Variants in DGKB observed in about 807,000 individuals in gnomAD.
DGKB encodes diacylglycerol kinase beta.
A neutral mutation model predicts 114.3 loss-of-function variants in DGKB; 67 were observed. The observed-to-expected ratio is 0.59, with a 90% CI of 0.48 to 0.72. DGKB has a LOEUF of 0.72. DGKB is among the 30% of genes least tolerant of loss of function. The pLI is 0.00. For missense variants in DGKB, 907 were observed against 975.2 expected, an observed-to-expected ratio of 0.93 and a Z score of 0.93; for synonymous variants, 398 against 323.1, an observed-to-expected ratio of 1.23 and a Z score of -2.49.
chr7:14,548,974 G>A (rs1794716105), intron 20 of DGKB, among the ~76,000 whole-genome samples: 1 of 151,770 alleles, frequency 6.6e-6, no homozygotes, highest in African/African-American at 2.4e-5. Flanking sequence ...GATGGTGGTT[G>A]AAATCAATGA....
upstream of DGKB, among the ~76,000 whole-genome samples, chr7:14,905,350 T>A (rs1783643019): frequency 6.6e-6 from 1 of 151,920 alleles, no homozygotes; most frequent in African/African-American, 2.4e-5. Context: ...AAGAAAATTT[T>A]CAGTTAAGGA....
chr7:14,197,309 G>C (rs2128283094), intron 23 of DGKB, among the ~76,000 whole-genome samples: 1 of 151,954 alleles, frequency 6.6e-6, no homozygotes, highest in Non-Finnish European at 1.5e-5. Flanking sequence ...TTGTTTAAAA[G>C]GGCTTCACTG....
intron 5 of DGKB, among the ~76,000 whole-genome samples, chr7:14,735,440 C>T (rs1381175300): frequency 6.6e-6 from 1 of 152,136 alleles, no homozygotes; most frequent in African/African-American, 2.4e-5. Flanking sequence ...AACAGCTTAA[C>T]CAATTACACT....
At chr7:14,792,680 T>G (rs977502420) in intron 2 of DGKB, among the ~76,000 whole-genome samples, 9 of 152,140 alleles carry the variant, frequency 5.9e-5, no homozygotes, top group African/African-American at 2.2e-4. Context: ...TTTGCAAACG[T>G]AAGTTAAAAT....
At chr7:14,729,339 G>C (rs192789184) in intron 5 of DGKB, among the ~76,000 whole-genome samples, 47 of 151,778 alleles carry the variant, frequency 3.1e-4, no homozygotes, top group South Asian at 2.9e-3. Context: ...AGCCAGGATG[G>C]TCTCGATCTC....
At chr7:14,645,109 C>T (rs1399192548) in intron 13 of DGKB, among the ~76,000 whole-genome samples, 1 of 151,970 alleles carries the variant, frequency 6.6e-6, no homozygotes, top group Admixed American at 6.5e-5. Flanking sequence ...ATATTTTTTT[C>T]AAGACCAACC....
intron 13 of DGKB, among the ~76,000 whole-genome samples, chr7:14,652,742 A>G (rs1182450798): frequency 2.6e-5 from 4 of 151,996 alleles, no homozygotes; most frequent in Non-Finnish European, 5.9e-5. Flanking sequence ...AATTTTCGCA[A>G]TCTACTCATC....
At chr7:14,843,896 T>C (rs1848291982) in intron 1 of DGKB, among the ~76,000 whole-genome samples, 1 of 152,160 alleles carries the variant, frequency 6.6e-6, no homozygotes, top group Non-Finnish European at 1.5e-5. Context: ...CCTAATCACA[T>C]GACTGTATTA....
intron 6 of DGKB, among the ~76,000 whole-genome samples, chr7:14,715,547 T>C (rs773428156): frequency 6.6e-6 from 1 of 152,126 alleles, no homozygotes; most frequent in Non-Finnish European, 1.5e-5. Flanking sequence ...CATGCACGTA[T>C]GCATGCATGC....
intron 21 of DGKB, among the ~76,000 whole-genome samples, chr7:14,379,138 G>A (rs1164691357): frequency 6.6e-6 from 1 of 151,256 alleles, no homozygotes; most frequent in African/African-American, 2.4e-5. Context: ...CATTACACTA[G>A]ACTTCTTCAT....
chr7:14,862,793 AT>A (rs1219809412), intron 1 of DGKB, among the ~76,000 whole-genome samples: 2 of 152,136 alleles, frequency 1.3e-5, no homozygotes, highest in Non-Finnish European at 2.9e-5. Flanking sequence ...TTTTTAACAT[AT>A]AATGCAACTT....
intron 23 of DGKB, among the ~76,000 whole-genome samples, chr7:14,319,005 G>A (rs1029984781): frequency 6.6e-6 from 1 of 151,980 alleles, no homozygotes; most frequent in African/African-American, 2.4e-5. Flanking sequence ...GATGAAATTG[G>A]AAACCATCAT....
intron 20 of DGKB, among the ~76,000 whole-genome samples, chr7:14,573,467 CTGTGTGTGTG>C (rs4027158): frequency 0.024 from 3,530 of 145,570 alleles, 132 homozygotes; most frequent in African/African-American, 0.081. Flanking sequence ...TAATCTATCT[CTGTGTGTGTG>C]TGTGTGTGTG....
At chr7:14,241,950 A>G (rs1379398403) in intron 23 of DGKB, among the ~76,000 whole-genome samples, 1 of 77,492 alleles carries the variant, frequency 1.3e-5, no homozygotes, top group Non-Finnish European at 2.4e-5. Context: ...ATATACACAC[A>G]CACATATACA....
In DGKB at chr7:14,149,038, G is replaced by T. The variant is rs932905896; in HGVS notation, c.*93C>A. ...AAACCACTTCCATGATTTTGCATGA[G>T]CAGGAGACTTGAAATGGTTCAAAGA... is the stretch of plus-strand genomic sequence containing the variant. On this transcript the variant is annotated 3_prime_UTR_variant, in exon 26 of 26. Coordinates refer to ENST00000402815, the MANE Select transcript of DGKB (RefSeq NM_001350709.2). The T allele has an allele frequency of 1.1e-5, 12 of 1,088,548 alleles. No individual in the cohort carries two copies. In the Admixed American group the frequency reaches 1.2e-4, roughly 11 times the overall value. The allele number at this position is 1,088,548 out of a possible 1,614,324, so 67.4% of individuals were successfully genotyped here. A position where few individuals can be genotyped will look rare whatever the true frequency, so the allele number is the denominator to read the frequency against.
At chr7:14,933,031 T>A (rs998855609) in intron 1 of DGKB, among the ~76,000 whole-genome samples, 1 of 152,164 alleles carries the variant, frequency 6.6e-6, no homozygotes, top group Admixed American at 6.5e-5. Flanking sequence ...GTCCTTTCAA[T>A]CTCACACTAT....
In DGKB at chr7:14,147,233, T is replaced by A. The variant is rs1781572350; in HGVS notation, c.*1898A>T. 1 of 152,176 alleles carries A rather than the reference T, an allele frequency of 6.6e-6. No homozygotes were observed. Among genetic ancestry groups the A allele is most frequent in the Admixed American group, 6.5e-5 (1 of 15,270 alleles). The allele number at this position is 152,176 out of a possible 1,614,324, so 9.4% of individuals were successfully genotyped here. On this transcript the variant is annotated 3_prime_UTR_variant, in exon 26 of 26. Coordinates refer to ENST00000402815, the MANE Select transcript of DGKB (RefSeq NM_001350709.2). ...TTACTCTTCTGCCAAACAACTTTTT[T>A]ATTTTATACCAGCGCAAGTGATTGC...
chr7:14,648,323 G>T (rs1318796428), intron 13 of DGKB, among the ~76,000 whole-genome samples: 2 of 152,202 alleles, frequency 1.3e-5, no homozygotes, highest in Admixed American at 6.5e-5. Flanking sequence ...GCCTCCTCAA[G>T]TGGGTCCCTG....
intron 21 of DGKB, among the ~76,000 whole-genome samples, chr7:14,367,202 G>T (rs534735671): frequency 7.2e-5 from 11 of 152,224 alleles, no homozygotes; most frequent in African/African-American, 1.2e-4. Context: ...GTAGGCTAAT[G>T]TAAGTGTTCT....
Sources: allele counts gnomAD v4.1 joint callset (sites outside exome capture counted in the v4.1 genomes callset), GRCh38; gene constraint gnomAD v4.1.1; transcripts MANE v1.5; gene names NCBI Gene and HGNC (gene_info 2026-07-23, HGNC 2026-07-21).